Variants in ALK observed in about 807,000 individuals in gnomAD.
The protein encoded by ALK is ALK tyrosine kinase receptor.
In ALK, 74 loss-of-function variants were observed where a neutral mutation model predicts 163.1. The observed-to-expected ratio is 0.45, with a 90% CI of 0.38 to 0.55. The LOEUF is 0.55. Among genes scored for constraint, ALK ranks in the 20% least tolerant of loss-of-function variants. The probability of loss-of-function intolerance (pLI) is 0.00; values close to 1 mark genes in which losing one functional copy is unlikely to be tolerated. For synonymous variants in ALK, 960 were observed against 843.2 expected (o/e 1.14, Z -2.40); for missense variants, 2,063 against 2,105.3 (o/e 0.98, Z 0.39).
At chr2:29,458,480 G>C (rs1671012242) in intron 4 of ALK, among the ~76,000 whole-genome samples, 1 of 152,104 alleles carries the variant, frequency 6.6e-6, no homozygotes, top group African/African-American at 2.4e-5. Context: ...ACCTTGATTG[G>C]GCTGTCTTTC....
At chr2:29,236,017 AT>A (rs771017409) in intron 13 of ALK, among the ~76,000 whole-genome samples, 2,856 of 125,958 alleles carry the variant, frequency 0.023, 52 homozygotes, top group African/African-American at 0.063. Context: ...TAATTTTTGT[AT>A]TTTTTTTTTT....
intron 1 of ALK, among the ~76,000 whole-genome samples, chr2:29,917,924 T>A (rs1423114204): frequency 6.6e-6 from 1 of 152,220 alleles, no homozygotes; most frequent in Non-Finnish European, 1.5e-5. Context: ...AAATGATGCA[T>A]AAGGGCTTGG....
intron 9 of ALK, among the ~76,000 whole-genome samples, chr2:29,283,530 T>C (rs1272415514): frequency 6.6e-6 from 1 of 151,608 alleles, no homozygotes; most frequent in African/African-American, 2.4e-5. Context: ...AGAAAAAGGG[T>C]GGTTTCTACC....
At chr2:29,432,685 A>G (rs560804941) in intron 4 of ALK, among the ~76,000 whole-genome samples, 33 of 151,468 alleles carry the variant, frequency 2.2e-4, no homozygotes, top group African/African-American at 7.8e-4. Flanking sequence ...CCCCTTGACA[A>G]CTTGACCCTA....
intron 13 of ALK, among the ~76,000 whole-genome samples, chr2:29,235,035 C>G (rs542265860): frequency 4.6e-5 from 7 of 152,204 alleles, no homozygotes; most frequent in Non-Finnish European, 1.0e-4. Flanking sequence ...AATTTAGATT[C>G]ACTTCTGGGC....
At chr2:29,326,391 G>C (rs912354426) in intron 6 of ALK, among the ~76,000 whole-genome samples, 1 of 152,186 alleles carries the variant, frequency 6.6e-6, no homozygotes, top group Admixed American at 6.5e-5. Context: ...TCAGGGCATG[G>C]CCTGCCCGAC....
intron 1 of ALK, among the ~76,000 whole-genome samples, chr2:29,918,584 C>T (rs538181181): frequency 1.3e-5 from 2 of 152,158 alleles, no homozygotes; most frequent in African/African-American, 4.8e-5. Context: ...GTCACTAACA[C>T]TAATGTTGAA....
intron 5 of ALK, among the ~76,000 whole-genome samples, chr2:29,357,104 G>A (rs937004524): frequency 1.3e-5 from 2 of 152,138 alleles, no homozygotes; most frequent in Non-Finnish European, 1.5e-5. Flanking sequence ...CAGCTATAAC[G>A]AACGCCTCTG....
chr2:29,328,780 C>T (rs1302150188), intron 5 of ALK, among the ~76,000 whole-genome samples: 1 of 152,124 alleles, frequency 6.6e-6, no homozygotes, highest in Non-Finnish European at 1.5e-5. Flanking sequence ...CCTCGGGGGT[C>T]CTCAAACCCA....
At chr2:29,415,239 T>G (rs905254166) in intron 4 of ALK, among the ~76,000 whole-genome samples, 1 of 151,650 alleles carries the variant, frequency 6.6e-6, no homozygotes, top group Non-Finnish European at 1.5e-5. Context: ...AAAACAGGTT[T>G]TTGCTTTGTG....
intron 3 of ALK, among the ~76,000 whole-genome samples, chr2:29,618,626 C>A (rs577109692): frequency 2.3e-4 from 35 of 152,234 alleles, no homozygotes; most frequent in African/African-American, 8.2e-4. Flanking sequence ...ACCCCTGGTG[C>A]AAAGCTGCCC....
intron 4 of ALK, among the ~76,000 whole-genome samples, chr2:29,391,427 A>G (rs898595030): frequency 6.6e-5 from 10 of 151,932 alleles, no homozygotes; most frequent in African/African-American, 2.4e-4. Context: ...CAACCTCCCA[A>G]GTAGCTGGGA....
chr2:29,836,048 A>G (rs1665549705), intron 1 of ALK, among the ~76,000 whole-genome samples: 1 of 152,090 alleles, frequency 6.6e-6, no homozygotes, highest in African/African-American at 2.4e-5. Flanking sequence ...GCAGCATGAC[A>G]AATGAGGGGG....
At chr2:29,206,908 G>C (rs940362753) in intron 26 of ALK, among the ~76,000 whole-genome samples, 2 of 152,134 alleles carry the variant, frequency 1.3e-5, no homozygotes, top group Admixed American at 1.3e-4. Context: ...TCTGGGACTT[G>C]TTAGAAATGC....
Position 29,838,209 on chromosome 2 carries a change from C to A in ALK, c.667+81784G>T, listed in dbSNP as rs1665611697. 2.0e-5 allele frequency among the ~76,000 whole-genome samples: 3 copies of A among 151,976 alleles called. No homozygotes were observed. In the South Asian group the frequency reaches 6.2e-4, roughly 32 times the overall value. ...TTAAAAAGGAAAAAAAGGAGCAGAG[C>A]CACAGTGATCTATGGAAAAATATTA... On this transcript the variant is annotated intron_variant, in intron 1 of 28. Transcript: ENST00000389048.
At chr2:29,650,658 G>A (rs1677012518) in intron 3 of ALK, among the ~76,000 whole-genome samples, 1 of 152,086 alleles carries the variant, frequency 6.6e-6, no homozygotes, top group Non-Finnish European at 1.5e-5. Context: ...ATCTGGATAT[G>A]TCTGACTCAC....
At chr2:29,805,809 T>C (rs188563501) in intron 1 of ALK, among the ~76,000 whole-genome samples, 7 of 152,164 alleles carry the variant, frequency 4.6e-5, no homozygotes, top group Admixed American at 3.3e-4. Context: ...TTTTTAATCA[T>C]CTCTGTTTAT....
chr2:29,502,703 C>T (rs897327919), intron 4 of ALK, among the ~76,000 whole-genome samples: 26 of 151,922 alleles, frequency 1.7e-4, no homozygotes, highest in African/African-American at 3.6e-4. Flanking sequence ...TTTTTTACTC[C>T]GCCTGAAAGC....
chr2:29,353,315 G>A (rs944691383), intron 5 of ALK, among the ~76,000 whole-genome samples: 24 of 152,168 alleles, frequency 1.6e-4, no homozygotes, highest in Non-Finnish European at 3.1e-4. Flanking sequence ...TACTCCAGGG[G>A]AAGATAATGA....
Sources: gnomAD v4.1 joint callset for allele counts (sites outside exome capture counted in the v4.1 genomes callset) on GRCh38, gnomAD v4.1.1 for gene constraint, MANE v1.5 for transcripts, NCBI Gene and HGNC (gene_info 2026-07-23, HGNC 2026-07-21) for gene names.